The following RPL4 variants were observed in gnomAD, a reference collection of about 807,000 sequenced individuals.
RPL4 encodes the protein large ribosomal subunit protein uL4.
Under a neutral mutation model 47.7 loss-of-function variants are expected in RPL4, and 3 were observed. That is an observed-to-expected ratio of 0.06 (90% CI 0.03 to 0.16). The LOEUF is 0.16. Among genes scored for constraint, RPL4 ranks in the 10% least tolerant of loss-of-function variants. The pLI, the probability that RPL4 is intolerant of heterozygous loss-of-function variation, is 1.00. For synonymous variants in RPL4, 208 were observed against 182.1 expected (o/e 1.14, Z -1.15); for missense variants, 413 against 551.3 (o/e 0.75, Z 2.51).
Position 66,502,789 on chromosome 15 carries a change from G to A in RPL4, c.283-39C>T, listed in dbSNP as rs747257117. 11 of 1,613,754 alleles carry A rather than the reference G, an allele frequency of 6.8e-6. No individual in the cohort carries two copies. The African/African-American group carries it at 1.5e-4, about 22-fold the overall frequency. ...CAAGAATCACATTTCTCAAATTTTA[G>A]TAATTACAACAAGGTTATTTCTTGC... On this transcript the variant is annotated intron_variant, in intron 3 of 9. Coordinates refer to ENST00000307961, the MANE Select transcript of RPL4 (RefSeq NM_000968.4).
Position 66,501,058 on chromosome 15 carries a change from G to A in RPL4, c.724C>T (p.Pro242Ser), listed in dbSNP as rs774731519. The A allele has an allele frequency of 1.4e-5, 22 of 1,613,902 alleles. 1 individual carries two copies. In the South Asian group the frequency reaches 2.4e-4, roughly 18 times the overall value. Residue 242 changes from proline to serine, a missense_variant, in exon 7 of 10, where the codon CCT becomes TCT. Pro to Ser is a moderately conservative substitution (Grantham distance 74). Around this residue, in one of 4 missense-constraint regions of RPL4, gnomAD observed 214 missense variants for 304.2 expected, o/e 0.70. Coordinates refer to ENST00000307961, the MANE Select transcript of RPL4 (RefSeq NM_000968.4). ...VSKLNILKLA[P>S]GGHVGRFCIW... is the part of the protein sequence containing the mutation. ...CAGAAACGTCCCACATGCCCACCAG[G>A]AGCAAGCTTCAAAATGTTCAGCTTG... is the stretch of plus-strand genomic sequence containing the variant.
At chr15:66,504,233 G>T (rs1170421430) in intron 1 of RPL4, among the ~76,000 whole-genome samples, 1 of 152,084 alleles carries the variant, frequency 6.6e-6, no homozygotes, top group African/African-American at 2.4e-5. Context: ...TACTACCATA[G>T]AATATTACTA....
intron 5 of RPL4, 36 bp from the exon 6 acceptor site, chr15:66,501,540 T>C (rs757299871): frequency 1.5e-5 from 24 of 1,611,444 alleles, no homozygotes; most frequent in Middle Eastern, 1.6e-4. Context: ...CTGATTAAGA[T>C]AGAATCTCTG....
chr15:66,499,534 G>A lies in RPL4; in HGVS notation c.1157C>T (p.Ala386Val). Residue 386 changes from alanine (A) to valine (V), a missense_variant, in exon 10 of 10, where the codon GCT (alanine) becomes GTT (valine). Physicochemically the swap from Ala to Val is moderately conservative, Grantham distance 64. Around this residue, in one of 4 missense-constraint regions of RPL4, gnomAD observed 134 missense variants for 122.7 expected, o/e 1.09. Transcript: ENST00000307961. ...PVVGKKGKKA[A>V]VGVKKQKKPL... ...CTTCTTCTGCTTCTTAACACCAACAGCAGCCTTCTTTCCTTTCTTACCTAC... is the reference window on the plus strand; with the variant it reads ...CTTCTTCTGCTTCTTAACACCAACAACAGCCTTCTTTCCTTTCTTACCTAC... 1.9e-6 allele frequency: 3 copies of A among 1,613,036 alleles called. No individual in the cohort carries two copies. Among genetic ancestry groups the A allele is most frequent in the Non-Finnish European group, 2.5e-6 (3 of 1,179,846 alleles).
At chr15:66,501,545 T>C in intron 5 of RPL4, 41 bp from the exon 6 acceptor site, 2 of 1,609,816 alleles carry the variant, frequency 1.2e-6, no homozygotes, top group Non-Finnish European at 1.7e-6. Context: ...TAAGATAGAA[T>C]CTCTGCAATA....
intron 5 of RPL4, 134 bp from the exon 6 acceptor site, chr15:66,501,638 C>T: frequency 6.7e-7 from 1 of 1,492,940 alleles, no homozygotes; most frequent in South Asian, 1.3e-5. Context: ...CCATAAACAG[C>T]AGTTAGGATT....
Position 66,499,394 on chromosome 15 carries a change from C to T in RPL4, c.*13G>A. ...AATGATTTGACCTTTATGGAATAATCAAATTTAAGAGTTTATGCAGCAGGC... is the reference window on the plus strand; with the variant it reads ...AATGATTTGACCTTTATGGAATAATTAAATTTAAGAGTTTATGCAGCAGGC... On this transcript the variant is annotated 3_prime_UTR_variant, in exon 10 of 10. Transcript: ENST00000307961. 1 of 1,590,168 alleles carries T rather than the reference C, an allele frequency of 6.3e-7. No individual in the cohort carries two copies. The highest frequency in any genetic ancestry group is 8.5e-7 in the Non-Finnish European group (1 of 1,174,348).
In RPL4 at chr15:66,500,383, G is replaced by A. The variant is rs780976707; in HGVS notation, c.834-7C>T. ...CATCTTGTGCATGGGAAGACTGAAAGGGAAAAGATTGACATGTACATGTAA... is the reference window on the plus strand; with the variant it reads ...CATCTTGTGCATGGGAAGACTGAAAAGGAAAAGATTGACATGTACATGTAA... On this transcript the variant is annotated splice_region_variant and splice_polypyrimidine_tract_variant and intron_variant, in intron 7 of 9. Coordinates refer to ENST00000307961, the MANE Select transcript of RPL4 (RefSeq NM_000968.4). The A allele has an allele frequency of 1.9e-6, 3 of 1,612,472 alleles. No homozygotes were observed. In the South Asian group the frequency reaches 3.3e-5, roughly 18 times the overall value.
At chr15:66,501,208 A>G in intron 6 of RPL4, 103 bp from the exon 7 acceptor site, 2 of 1,557,552 alleles carry the variant, frequency 1.3e-6, no homozygotes, top group African/African-American at 1.4e-5. Context: ...GAACTTATTA[A>G]TTATGAAGTT....
chr15:66,502,015 T>C (rs532234230), intron 4 of RPL4, 103 bp from the exon 5 acceptor site: 2 of 1,429,774 alleles, frequency 1.4e-6, no homozygotes, highest in South Asian at 1.2e-5. Flanking sequence ...TGGTATTCCG[T>C]TTGCCAAGTC....
Position 66,499,629 on chromosome 15 carries a change from T to C in RPL4, c.1062A>G (p.Ala354=), listed in dbSNP as rs75999166. The change falls in exon 10 of 10, where the codon GCA becomes GCG. Residue 354 remains alanine (A), a synonymous_variant. Coordinates refer to ENST00000307961, the MANE Select transcript of RPL4 (RefSeq NM_000968.4). ...ARNHKLRVDK[A]AAAAAALQAK... ...CTTGTAGTGCCGCTGCTGCAGCAGC[T>C]GCCTTATCCACCCGGAGCTTGTGCT... is the stretch of plus-strand genomic sequence containing the variant. 3.9e-4 allele frequency: 636 copies of C among 1,614,000 alleles called. 2 individuals are homozygous for C. In the East Asian group the frequency reaches 0.013, roughly 33 times the overall value.
chr15:66,500,261 G>A, intron 8 of RPL4, 32 bp downstream of exon 8: 1 of 1,613,804 alleles, frequency 6.2e-7, no homozygotes, highest in Non-Finnish European at 8.5e-7. Context: ...TATAGGGTTG[G>A]GGCGAGAATT....
At chr15:66,502,898 C>T (rs776969487) in intron 3 of RPL4, 148 bp from the exon 4 acceptor site, 29 of 1,359,112 alleles carry the variant, frequency 2.1e-5, no homozygotes, top group Admixed American at 1.5e-4. Context: ...ACGCAAATTA[C>T]GACATCATTG....
At chr15:66,502,865 A>G in intron 3 of RPL4, 115 bp from the exon 4 acceptor site, 2 of 1,505,572 alleles carry the variant, frequency 1.3e-6, no homozygotes, top group Non-Finnish European at 1.8e-6. Flanking sequence ...ACAGCAGGCA[A>G]CTGTCGCTGA....
In RPL4 at chr15:66,500,194, C is replaced by T; in HGVS notation, c.918-18G>A. Reference sequence around the variant, plus strand: ...TCTTCTTGCTATAAAAAAGCAGATACTGTATCAACATTTTACTTAACATTA... The same window carrying T: ...TCTTCTTGCTATAAAAAAGCAGATATTGTATCAACATTTTACTTAACATTA... On this transcript the variant is annotated intron_variant, in intron 8 of 9. Coordinates refer to ENST00000307961, the MANE Select transcript of RPL4 (RefSeq NM_000968.4). 4 of 1,613,840 alleles carry T rather than the reference C, an allele frequency of 2.5e-6. No individual in the cohort carries two copies. Among genetic ancestry groups the T allele is most frequent in the Non-Finnish European group, 3.4e-6 (4 of 1,179,958 alleles).
rs371027636 is a variant in RPL4 at position 66,504,814 on chromosome 15, C to A, written c.-24G>T. The A allele has an allele frequency of 8.4e-5, 135 of 1,610,608 alleles. No homozygotes were observed. The highest frequency in any genetic ancestry group is 1.6e-4 in the Middle Eastern group (1 of 6,084). ...ATGGCGGAGAGAGGAGACAGCCACG[C>A]TCCTCTCAGCCCGGCTGCTGCCACA... On this transcript the variant is annotated 5_prime_UTR_variant, in exon 1 of 10. Transcript: ENST00000307961.
rs73471769 is a variant in RPL4, at chr15:66,503,320, C to G, written c.175+38G>C. 20,448 of 1,609,166 alleles carry G rather than the reference C, an allele frequency of 0.013. 2,199 individuals carry two copies. The African/African-American group carries it at 0.24, about 19-fold the overall frequency. The stretch of plus-strand genomic sequence containing the variant: ...GTGGAATTTCATCACTACTGTAAAG[C>G]AGTCCCTAAAATATCTGCAGAAGAT... On this transcript the variant is annotated intron_variant, in intron 2 of 9. Transcript: ENST00000307961.
At chr15:66,503,197 C>A in intron 2 of RPL4, 33 bp from the exon 3 acceptor site, 1 of 1,604,012 alleles carries the variant, frequency 6.2e-7, no homozygotes, top group Non-Finnish European at 8.5e-7. Flanking sequence ...GTTGTAGCTG[C>A]TTCATCATAC....
At position 66,502,743 on chromosome 15, in the gene RPL4, C is replaced by G; in HGVS notation, c.290G>C (p.Arg97Pro). The change falls in exon 4 of 10, where the codon CGT becomes CCT. Residue 97 changes from arginine (R) to proline (P), a missense_variant. Transcript: ENST00000307961. ...SGQGAFGNMC[R>P]GGRMFAPTKT... Reference sequence around the variant, plus strand: ...GGTTGGTGCAAACATTCGGCCTCCACGACACATCTATTTTTCCAGTCAAGA... The same window carrying G: ...GGTTGGTGCAAACATTCGGCCTCCAGGACACATCTATTTTTCCAGTCAAGA... 1 of 1,614,154 alleles carries G rather than the reference C, an allele frequency of 6.2e-7. No individual in the cohort carries two copies. The highest frequency in any genetic ancestry group is 8.5e-7 in the Non-Finnish European group (1 of 1,180,012).
Sources: gnomAD v4.1 joint callset for allele counts (sites outside exome capture counted in the v4.1 genomes callset) on GRCh38, gnomAD v4.1.1 for gene constraint, gnomAD v4.1.1 regional missense constraint, MANE v1.5 for transcripts, NCBI Gene and HGNC (gene_info 2026-07-23, HGNC 2026-07-21) for gene names.